CADM2: variants seen among roughly 807,000 people sequenced by gnomAD.
The protein encoded by CADM2 is cell adhesion molecule 2.
Under a neutral mutation model 49.8 loss-of-function variants are expected in CADM2, and 12 were observed. That is an observed-to-expected ratio of 0.24 (90% confidence interval 0.15 to 0.39). The LOEUF is 0.39. Ranked by LOEUF, CADM2 falls within the 10% of genes least tolerant of loss-of-function variation. The pLI, the probability that CADM2 is intolerant of heterozygous loss-of-function variation, is 1.00. For synonymous variants in CADM2, 214 were observed against 175.4 expected (o/e 1.22, Z -1.74); for missense variants, 378 against 492.3 (o/e 0.77, Z 2.20).
intron 8 of CADM2, among the ~76,000 whole-genome samples, chr3:86,016,896 C>A (rs1732315536): frequency 6.6e-6 from 1 of 151,834 alleles, no homozygotes; most frequent in African/African-American, 2.4e-5. Flanking sequence ...TTAAATTCAA[C>A]AAAAGAATTA....
chr3:85,052,929 A>G (rs112911970), intron 1 of CADM2, among the ~76,000 whole-genome samples: 2 of 152,040 alleles, frequency 1.3e-5, no homozygotes, highest in African/African-American at 4.8e-5. Context: ...CTGAATAGCT[A>G]CAGTAAGCTT....
intron 1 of CADM2, among the ~76,000 whole-genome samples, chr3:85,088,834 T>C (rs2037483299): frequency 6.6e-6 from 1 of 152,124 alleles, no homozygotes; most frequent in Non-Finnish European, 1.5e-5. Context: ...ATAATAATTA[T>C]CTCCATTGAT....
chr3:85,987,648 T>A (rs1342345286), intron 8 of CADM2, among the ~76,000 whole-genome samples: 1 of 146,872 alleles, frequency 6.8e-6, no homozygotes, highest in Non-Finnish European at 1.5e-5. Flanking sequence ...AATATGTTTA[T>A]ATTTATATAA....
chr3:85,137,465 T>TTA (rs2039451733), intron 1 of CADM2, among the ~76,000 whole-genome samples: 1 of 152,012 alleles, frequency 6.6e-6, no homozygotes, highest in South Asian at 2.1e-4. Context: ...TTCAGATGGT[T>TTA]TATATAGTTT....
At chr3:85,440,910 A>G (rs1260931735) in intron 1 of CADM2, among the ~76,000 whole-genome samples, 2 of 152,074 alleles carry the variant, frequency 1.3e-5, no homozygotes, top group African/African-American at 4.8e-5. Flanking sequence ...TGAACTCAAG[A>G]GTTGGAGGTT....
intron 1 of CADM2, among the ~76,000 whole-genome samples, chr3:85,589,922 C>T (rs934528083): frequency 6.6e-6 from 1 of 151,728 alleles, no homozygotes; most frequent in Admixed American, 6.6e-5. Flanking sequence ...GGGAAAATGC[C>T]AATTGGTTAA....
intron 1 of CADM2, among the ~76,000 whole-genome samples, chr3:85,172,561 A>T (rs1490808303): frequency 6.6e-6 from 1 of 152,104 alleles, no homozygotes; most frequent in Non-Finnish European, 1.5e-5. Flanking sequence ...AATGTGAGCA[A>T]AGGCTTAGAA....
intron 2 of CADM2, among the ~76,000 whole-genome samples, chr3:85,789,587 C>G (rs929078353): frequency 4.6e-5 from 7 of 152,036 alleles, no homozygotes; most frequent in African/African-American, 1.7e-4. Context: ...ACAAAAGTAG[C>G]CTGGTGAATA....
At position 85,321,145 on chromosome 3, in the gene CADM2, T is replaced by A. The variant is rs867012524; in HGVS notation, c.61+361477T>A. On this transcript the variant is annotated intron_variant, in intron 1 of 9. Coordinates refer to ENST00000383699, the MANE Select transcript of CADM2 (RefSeq NM_001167675.2). ...TTTTTTTTTTTTTTTTTTTTTTTTT[T>A]TTTTTTTTTTTTTTTTTTTTTGCGA... is the stretch of plus-strand genomic sequence containing the variant. Among the ~76,000 whole-genome samples the A allele has an allele frequency of 1.3e-3, 71 of 53,262 alleles. 4 individuals carry two copies. Among genetic ancestry groups the A allele is most frequent in the South Asian group, 6.9e-3 (9 of 1,304 alleles). The allele number at this position is 53,262 out of a possible 152,430, so 34.9% of individuals were successfully genotyped here.
rs7610235 is a variant in CADM2, at chr3:85,005,533, T to G, written c.61+45865T>G. On this transcript the variant is annotated intron_variant, in intron 1 of 9. Coordinates refer to ENST00000383699, the MANE Select transcript of CADM2 (RefSeq NM_001167675.2). ...TGGGTCACAGACAGAGGACCAAACTTCAGGGCAGATAAATAAGGAAAAATC... is the reference window on the plus strand; with the variant it reads ...TGGGTCACAGACAGAGGACCAAACTGCAGGGCAGATAAATAAGGAAAAATC... Among the ~76,000 whole-genome samples, 961 of 152,182 alleles carry G rather than the reference T, an allele frequency of 6.3e-3. 14 individuals carry two copies. Among genetic ancestry groups the G allele is most frequent in the African/African-American group, 0.022 (919 of 41,540 alleles).
At chr3:85,206,965 C>T (rs1033975083) in intron 1 of CADM2, among the ~76,000 whole-genome samples, 2 of 140,736 alleles carry the variant, frequency 1.4e-5, no homozygotes, top group African/African-American at 6.3e-5. Context: ...AAGGCCATAA[C>T]CTCCCCCCCT....
At position 85,139,631 on chromosome 3, in the gene CADM2, A is replaced by G. The variant is rs538132237; in HGVS notation, c.61+179963A>G. Among the ~76,000 whole-genome samples the G allele has an allele frequency of 5.7e-4, 87 of 152,260 alleles. 3 individuals carry two copies. In the South Asian group the frequency reaches 0.017, roughly 29 times the overall value. On this transcript the variant is annotated intron_variant, in intron 1 of 9. Transcript: ENST00000383699. The stretch of plus-strand genomic sequence containing the variant: ...ATTTTATTTATAAGAACTATAGGTT[A>G]CTGTGCAAAGAAGCTTAAGGAAAAT...
chr3:85,603,221 C>T (rs952453986), intron 1 of CADM2, among the ~76,000 whole-genome samples: 2 of 151,848 alleles, frequency 1.3e-5, no homozygotes, highest in African/African-American at 4.8e-5. Flanking sequence ...GAAGAATCTC[C>T]TACTTTGACT....
chr3:85,552,002 A>C (rs1188146558), intron 1 of CADM2, among the ~76,000 whole-genome samples: 1 of 104,818 alleles, frequency 9.5e-6, no homozygotes, highest in African/African-American at 2.5e-5. Flanking sequence ...TAAAGATTTT[A>C]TATTTGTAGG....
intron 2 of CADM2, among the ~76,000 whole-genome samples, chr3:85,796,708 C>T (rs1047558915): frequency 6.6e-6 from 1 of 152,090 alleles, no homozygotes; most frequent in Non-Finnish European, 1.5e-5. Flanking sequence ...CAACACACTT[C>T]TGGGTAATAA....
chr3:85,935,306 G>A (rs986564082), intron 6 of CADM2, among the ~76,000 whole-genome samples: 1 of 152,074 alleles, frequency 6.6e-6, no homozygotes, highest in South Asian at 2.1e-4. Flanking sequence ...CATAATACTT[G>A]TGAGACAGTA....
Position 85,068,218 on chromosome 3 carries a change from T to C in CADM2, c.61+108550T>C, listed in dbSNP as rs148785196. Among the ~76,000 whole-genome samples, 13 of 152,290 alleles carry C rather than the reference T, an allele frequency of 8.5e-5. No homozygotes were observed. The East Asian group carries it at 2.5e-3, about 29-fold the overall frequency. On this transcript the variant is annotated intron_variant, in intron 1 of 9. Transcript: ENST00000383699. ...GCAGGAATATCTATTTTCCCATTGA[T>C]CTCCTCTCTAAACAAAAGTATGGTA...
chr3:85,137,275 CTTTAT>C, intron 1 of CADM2, among the ~76,000 whole-genome samples: 1 of 151,828 alleles, frequency 6.6e-6, no homozygotes, highest in East Asian at 1.9e-4. Flanking sequence ...TATAAAGAAA[CTTTAT>C]TTTATAAGAC....
rs935302993 is a variant in CADM2 at position 86,071,238 on chromosome 3, T to G, written c.*4455T>G. The G allele has an allele frequency of 6.6e-6, 1 of 151,938 alleles. No individual in the cohort carries two copies. The highest frequency in any genetic ancestry group is 1.5e-5 in the Non-Finnish European group (1 of 67,828). 9.4% of individuals were successfully genotyped at this position (151,938 alleles called of 1,614,324 possible). A position where few individuals can be genotyped will look rare whatever the true frequency, so the allele number is the denominator to read the frequency against. On this transcript the variant is annotated 3_prime_UTR_variant, in exon 10 of 10. Transcript: ENST00000383699. The stretch of plus-strand genomic sequence containing the variant: ...TAGATTGTAGCAAGTACAAATGTAT[T>G]CAATGAAAGAACATAGGGTAGTTTT...
Sources: gnomAD v4.1 joint callset for allele counts (sites outside exome capture counted in the v4.1 genomes callset) on GRCh38, gnomAD v4.1.1 for gene constraint, MANE v1.5 for transcripts, NCBI Gene and HGNC (gene_info 2026-07-23, HGNC 2026-07-21) for gene names.